Variants in MTTP observed in about 807,000 individuals in gnomAD.
The protein encoded by MTTP is microsomal triglyceride transfer protein, also known as microsomal triglyceride transfer protein large subunit.
Under a neutral mutation model 90.6 loss-of-function variants are expected in MTTP, and 49 were observed. That is an observed-to-expected ratio of 0.54 (90% confidence interval 0.43 to 0.69). The LOEUF (loss-of-function observed/expected upper bound fraction) is 0.69. MTTP is among the 30% of genes least tolerant of loss of function. The probability of loss-of-function intolerance (pLI) is 0.00; values close to 1 mark genes in which losing one functional copy is unlikely to be tolerated. For missense variants in MTTP, 945 were observed against 1,067.5 expected (o/e 0.89, Z 1.60); for synonymous variants, 347 against 384.2 (o/e 0.90, Z 1.13).
intron 10 of MTTP, among the ~76,000 whole-genome samples, chr4:99,602,416 A>G (rs554448086): frequency 3.3e-5 from 5 of 152,252 alleles, no homozygotes; most frequent in African/African-American, 1.2e-4. Context: ...GATGCTAAAT[A>G]TATAACAACA....
chr4:99,589,203 A>T (rs980869295), intron 3 of MTTP, among the ~76,000 whole-genome samples: 4 of 149,898 alleles, frequency 2.7e-5, no homozygotes, highest in Non-Finnish European at 5.9e-5. Context: ...GTGCCATCTC[A>T]GGAATCTCAA....
At chr4:99,586,726 T>C (rs1461818077) in intron 3 of MTTP, among the ~76,000 whole-genome samples, 3 of 152,172 alleles carry the variant, frequency 2.0e-5, no homozygotes, top group African/African-American at 7.2e-5. Context: ...TTTAGTCTCC[T>C]CTTATTCTTA....
At chr4:99,570,892 C>A, upstream of MTTP, 4 of 410,238 alleles carry the variant, frequency 9.8e-6, no homozygotes, top group South Asian at 5.4e-5. Flanking sequence ...CCCCTAAAGC[C>A]TCCAGAAAGG....
chr4:99,565,859 A>G (rs1724678394), intron 1 of MTTP, among the ~76,000 whole-genome samples: 1 of 152,240 alleles, frequency 6.6e-6, no homozygotes, highest in Admixed American at 6.5e-5. Context: ...AGCGTGTCAT[A>G]GTTTTGCACA....
rs562699064 is a variant in MTTP, at chr4:99,582,150, G to A, written c.249+58G>A. ...TAGATATCAGAAGTTTTTGAGAAGT[G>A]TACCATTGGACAGCACTTGTATTGG... On this transcript the variant is annotated intron_variant, in intron 2 of 17. Coordinates refer to ENST00000265517, the MANE Select transcript of MTTP (RefSeq NM_001386140.1). The A allele has an allele frequency of 1.6e-4, 257 of 1,565,084 alleles. 4 individuals carry two copies. In the South Asian group the frequency reaches 2.7e-3, roughly 17 times the overall value.
intron 1 of MTTP, among the ~76,000 whole-genome samples, chr4:99,567,526 T>C (rs995965535): frequency 3.3e-5 from 5 of 152,142 alleles, no homozygotes; most frequent in Non-Finnish European, 7.3e-5. Flanking sequence ...GCGTCAAAAC[T>C]GGCAGGTTGT....
At chr4:99,584,521 G>T (rs1725209239) in intron 3 of MTTP, among the ~76,000 whole-genome samples, 1 of 151,576 alleles carries the variant, frequency 6.6e-6, no homozygotes, top group Admixed American at 6.6e-5. Flanking sequence ...GTTCTAAAAA[G>T]GAACTCACAA....
Position 99,591,700 on chromosome 4 carries a change from A to T in MTTP, c.668A>T (p.Glu223Val), listed in dbSNP as rs780136670. The T allele has an allele frequency of 1.2e-6, 2 of 1,613,108 alleles. No homozygotes were observed. Among genetic ancestry groups the T allele is most frequent in the South Asian group, 1.1e-5 (1 of 91,006 alleles). Residue 223 changes from glutamate to valine, a missense_variant, in exon 6 of 18, where the codon GAA (glutamate) becomes GTA (valine). By Grantham distance (121) the Glu-to-Val change is moderately radical. Transcript: ENST00000265517. Reference protein sequence around the residue: ...KATSVTTYKIEDSFVIAVLAE... With the variant: ...KATSVTTYKIVDSFVIAVLAE... The stretch of plus-strand genomic sequence containing the variant: ...ACATCTGTCACCACCTATAAGATAG[A>T]AGACAGCTTTGTTATAGCTGTGCTT...
upstream of MTTP, among the ~76,000 whole-genome samples, chr4:99,573,248 G>A (rs947799396): frequency 3.3e-5 from 5 of 152,088 alleles, no homozygotes; most frequent in Non-Finnish European, 7.4e-5. Context: ...AAATATGTAA[G>A]TAAAGTTCAA....
chr4:99,580,062 GAAA>G (rs1484187169), intron 1 of MTTP, among the ~76,000 whole-genome samples: 4 of 138,126 alleles, frequency 2.9e-5, no homozygotes, highest in Non-Finnish European at 6.3e-5. Context: ...AAAAAGTAAA[GAAA>G]GAAGAAGAAA....
intron 15 of MTTP, among the ~76,000 whole-genome samples, chr4:99,617,758 G>A (rs975702356): frequency 2.5e-4 from 38 of 152,062 alleles, no homozygotes; most frequent in African/African-American, 8.7e-4. Context: ...CAGGCAAACA[G>A]CACAAAACAA....
At chr4:99,565,460 A>C (rs546196602) in intron 1 of MTTP, among the ~76,000 whole-genome samples, 1 of 152,356 alleles carries the variant, frequency 6.6e-6, no homozygotes, top group East Asian at 1.9e-4. Flanking sequence ...TTAACAAAAA[A>C]TTGAAACATA....
intron 1 of MTTP, among the ~76,000 whole-genome samples, chr4:99,576,913 C>T (rs897537967): frequency 6.6e-6 from 1 of 151,998 alleles, no homozygotes; most frequent in Admixed American, 6.6e-5. Flanking sequence ...CTTACTATTG[C>T]AAAGGTTACT....
intron 1 of MTTP, among the ~76,000 whole-genome samples, chr4:99,579,285 T>C (rs1296319846): frequency 1.3e-5 from 2 of 152,166 alleles, no homozygotes; most frequent in Non-Finnish European, 2.9e-5. Flanking sequence ...TCACTCAAAC[T>C]CCCCAAATCT....
chr4:99,614,966 T>A (rs190678395), intron 15 of MTTP, among the ~76,000 whole-genome samples: 2 of 152,316 alleles, frequency 1.3e-5, no homozygotes, highest in East Asian at 3.9e-4. Context: ...GTTCTCAAAT[T>A]ATATCAGAAT....
intron 2 of MTTP, 71 bp from the exon 3 acceptor site, chr4:99,583,303 A>AT (rs1404089035): frequency 1.3e-6 from 2 of 1,511,754 alleles, no homozygotes; most frequent in Non-Finnish European, 1.8e-6. Flanking sequence ...TTATCATTTT[A>AT]TTTTCAGAGA....
At position 99,594,728 on chromosome 4, in the gene MTTP, T is replaced by C. The variant is rs111866577; in HGVS notation, c.759-5T>C. On this transcript the variant is annotated splice_region_variant and splice_polypyrimidine_tract_variant and intron_variant, in intron 6 of 17. Transcript: ENST00000265517. ...AATATAGCATTTCCCTTTGGTATTA[T>C]GCAGGCAGAAATTAGAGCTGAAGAC... 126 of 1,613,910 alleles carry C rather than the reference T, an allele frequency of 7.8e-5. No individual in the cohort carries two copies. Among genetic ancestry groups the C allele is most frequent in the African/African-American group, 4.1e-4 (31 of 75,030 alleles).
chr4:99,585,286 TATC>T (rs200960856), intron 3 of MTTP, among the ~76,000 whole-genome samples: 3,693 of 152,230 alleles, frequency 0.024, 83 homozygotes, highest in Non-Finnish European at 0.037. Context: ...AGGGCTGCCT[TATC>T]AACCTCTTGT....
Position 99,621,227 on chromosome 4 carries a change from T to C in MTTP, c.2509T>C (p.Phe837Leu), listed in dbSNP as rs755630179. 1 of 1,613,908 alleles carries C rather than the reference T, an allele frequency of 6.2e-7. No homozygotes were observed. The highest frequency in any genetic ancestry group is 8.5e-7 in the Non-Finnish European group (1 of 1,179,852). The change falls in exon 17 of 18, where the codon TTC (phenylalanine) becomes CTC (leucine). Residue 837 changes from phenylalanine (F) to leucine (L), a missense_variant. By Grantham distance (22) the Phe-to-Leu change is conservative. Coordinates refer to ENST00000265517, the MANE Select transcript of MTTP (RefSeq NM_001386140.1). ...CMQMDKDEAP[F>L]RQFEKKYERL... ...GCAGATGGACAAGGATGAAGCTCCA[T>C]TCAGGTAAGATGCAGCGTTCAGGTC...
Sources: allele counts gnomAD v4.1 joint callset (sites outside exome capture counted in the v4.1 genomes callset), GRCh38; gene constraint gnomAD v4.1.1; transcripts MANE v1.5; gene names NCBI Gene and HGNC (gene_info 2026-07-23, HGNC 2026-07-21).